GNAS: variants seen among roughly 807,000 people sequenced by gnomAD.
GNAS encodes the protein protein ALEX.
In GNAS, 8 loss-of-function variants were observed where a neutral mutation model predicts 54.5. That is an observed-to-expected ratio of 0.15 (90% confidence interval 0.09 to 0.26). GNAS has a LOEUF of 0.26. Among genes scored for constraint, GNAS ranks in the 10% least tolerant of loss-of-function variants. The pLI is 1.00. For missense variants in GNAS, 170 were observed against 529.8 expected, an observed-to-expected ratio of 0.32 and a Z score of 6.67; for synonymous variants, 204 against 191.4, an observed-to-expected ratio of 1.07 and a Z score of -0.54.
chr20:58,853,897 GC>G lies in GNAS; in HGVS notation c.43+13012del. ...CAAGCCCTCAGGCCTGCAAAGGCTG[GC>G]TCCAGAGGAGGCTACAGCCCTCCCC... On this transcript the variant is annotated intron_variant, in intron 1 of 12. Transcript: ENST00000306090. This position sits in a 1 kb window ranked among gnomAD's most constrained non-coding sequence, Gnocchi z 4.4. The G allele has an allele frequency of 3.7e-6, 6 of 1,602,900 alleles. No homozygotes were observed. The highest frequency in any genetic ancestry group is 5.1e-6 in the Non-Finnish European group (6 of 1,175,178).
intron 3 of GNAS, among the ~76,000 whole-genome samples, chr20:58,901,816 G>A (rs73915943): frequency 0.079 from 11,478 of 145,390 alleles, 940 homozygotes; most frequent in African/African-American, 0.2. Context: ...CGACAGGCCC[G>A]CACTTGACCC....
intron 1 of GNAS, among the ~76,000 whole-genome samples, chr20:58,862,466 T>G (rs1247592718): frequency 2.0e-5 from 3 of 152,112 alleles, no homozygotes; most frequent in African/African-American, 2.4e-5. Context: ...GCCTCGACTT[T>G]TAATTTTAGA....
chr20:58,885,708 T>C (rs938892022), intron 1 of GNAS, among the ~76,000 whole-genome samples: 2 of 152,370 alleles, frequency 1.3e-5, no homozygotes, highest in African/African-American at 4.8e-5. Flanking sequence ...AAGGATTAAC[T>C]GAGACTAGGA....
chr20:58,892,159 T>G, intron 1 of GNAS: 1 of 934,118 alleles, frequency 1.1e-6, no homozygotes, highest in African/African-American at 1.8e-5. Context: ...CTCCCCCTCT[T>G]TCTCTCTTTC....
chr20:58,887,140 G>A (rs562862415), upstream of GNAS, among the ~76,000 whole-genome samples: 15 of 152,290 alleles, frequency 9.8e-5, no homozygotes, highest in African/African-American at 2.9e-4. Flanking sequence ...TCCAAATAAG[G>A]AGGCTCTTCA....
chr20:58,869,090 C>T (rs536083405), intron 1 of GNAS, among the ~76,000 whole-genome samples: 7 of 152,228 alleles, frequency 4.6e-5, no homozygotes, highest in East Asian at 3.9e-4. Flanking sequence ...CAACTTTTAA[C>T]GAGTGGATCT....
At position 58,855,209 on chromosome 20, in the gene GNAS, G is replaced by A. The variant is rs568014935; in HGVS notation, c.43+14323G>A. ...CCCTGGCGGAGAAGCGCAGACAGATGCGCAAAGAAGCCCTGGAGAAGCGGG... is the reference window on the plus strand; with the variant it reads ...CCCTGGCGGAGAAGCGCAGACAGATACGCAAAGAAGCCCTGGAGAAGCGGG... On this transcript the variant is annotated intron_variant, in intron 1 of 12. Transcript: ENST00000306090. 4.4e-6 allele frequency: 7 copies of A among 1,600,074 alleles called. 1 individual carries two copies. In the Admixed American group the frequency reaches 1.2e-4, roughly 28 times the overall value.
Position 58,853,938 on chromosome 20 carries a change from C to A in GNAS, c.43+13052C>A, listed in dbSNP as rs886846274. On this transcript the variant is annotated intron_variant, in intron 1 of 12. Transcript: ENST00000306090. This position sits in a 1 kb window ranked among gnomAD's most constrained non-coding sequence, Gnocchi z 4.4. ...CAGCCCTCCCCCTGAGGAGACTATG[C>A]CATTTGAGCTTGATGGAGAAGGATT... 5 of 1,611,540 alleles carry A rather than the reference C, an allele frequency of 3.1e-6. No individual in the cohort carries two copies. The Admixed American group carries it at 6.7e-5, about 22-fold the overall frequency.
chr20:58,854,190 T>C lies in GNAS; in HGVS notation c.43+13304T>C, dbSNP rs756072376. On this transcript the variant is annotated intron_variant, in intron 1 of 12. Coordinates refer to the GNAS transcript ENST00000306090. ...CTGGATGGAGATCTCCGGACCCCCG[T>C]TCGAGATTGGCAGCGCCCCCGCTGG... The C allele has an allele frequency of 1.7e-5, 27 of 1,612,964 alleles. No homozygotes were observed. The highest frequency in any genetic ancestry group is 2.3e-5 in the Non-Finnish European group (27 of 1,179,858).
intron 2 of GNAS, chr20:58,898,238 C>G (rs1455306984): frequency 1.3e-5 from 2 of 151,990 alleles, no homozygotes; most frequent in East Asian, 1.9e-4. Flanking sequence ...TTATGAAGAT[C>G]GGGTTTGGGT....
chr20:58,849,507 C>A (rs531282693), intron 1 of GNAS, among the ~76,000 whole-genome samples: 1 of 152,230 alleles, frequency 6.6e-6, no homozygotes, highest in Non-Finnish European at 1.5e-5. Context: ...TTTTTCTGAA[C>A]TTCAGACCTT....
At chr20:58,897,181 C>T (rs536940260) in intron 2 of GNAS, among the ~76,000 whole-genome samples, 1 of 152,328 alleles carries the variant, frequency 6.6e-6, no homozygotes, top group East Asian at 1.9e-4. Context: ...CACATACGTG[C>T]TATTGAGTAA....
chr20:58,898,906 G>A (rs1276145122), intron 2 of GNAS, 35 bp from the exon 3 acceptor site: 1 of 1,594,672 alleles, frequency 6.3e-7, no homozygotes, highest in Non-Finnish European at 8.6e-7. Context: ...GCGGTGCCTT[G>A]CAGATTAGGT....
intron 2 of GNAS, chr20:58,898,127 AAAAC>A (rs1172971310): frequency 6.6e-6 from 1 of 152,254 alleles, no homozygotes; most frequent in Non-Finnish European, 1.5e-5. Flanking sequence ...GAACAAAACA[AAAAC>A]AAAACATAAA....
At position 58,853,289 on chromosome 20, in the gene GNAS, C is replaced by A. The variant is rs1207881373; in HGVS notation, c.43+12403C>A. The A allele has an allele frequency of 4.3e-5, 67 of 1,548,694 alleles. No individual in the cohort carries two copies. The highest frequency in any genetic ancestry group is 5.7e-5 in the Non-Finnish European group (65 of 1,145,486). On this transcript the variant is annotated intron_variant, in intron 1 of 12. Coordinates refer to the GNAS transcript ENST00000306090. The surrounding 1 kb of genome is among the most constrained non-coding windows in gnomAD (Gnocchi z 4.4). Reference sequence around the variant, plus strand: ...TTATGGGCGTGCGCAACTGCCTCTACGGCAATAATATGTCAGGACAACGCG... The same window carrying A: ...TTATGGGCGTGCGCAACTGCCTCTAAGGCAATAATATGTCAGGACAACGCG...
At chr20:58,868,022 C>CTTTTTT (rs370255144) in intron 1 of GNAS, among the ~76,000 whole-genome samples, 13 of 132,590 alleles carry the variant, frequency 9.8e-5, no homozygotes, top group South Asian at 2.5e-4. Flanking sequence ...TTCTTTCTTT[C>CTTTTTT]TTTTTTTTTT....
rs140290803 is a variant in GNAS at position 58,873,752 on chromosome 20, T to A, written c.44-21860T>A. ...GTATTGAGTGCCAAATATGTGCCCT[T>A]CCCCGTGGGGAAGACAAAAGTATGA... On this transcript the variant is annotated intron_variant, in intron 1 of 12. Coordinates refer to the GNAS transcript ENST00000306090. This position sits in a 1 kb window ranked among gnomAD's most constrained non-coding sequence, Gnocchi z 4.3. 5.3e-3 allele frequency among the ~76,000 whole-genome samples: 809 copies of A among 152,276 alleles called. 29 individuals carry two copies. The highest frequency in any genetic ancestry group is 0.046 in the Admixed American group (705 of 15,292).
At position 58,904,438 on chromosome 20, in the gene GNAS, G is replaced by A. The variant is rs114288652; in HGVS notation, c.432+647G>A. Among the ~76,000 whole-genome samples, 960 of 152,266 alleles carry A rather than the reference G, an allele frequency of 6.3e-3. 12 individuals are homozygous for A. The highest frequency in any genetic ancestry group is 0.022 in the African/African-American group (898 of 41,544). On this transcript the variant is annotated intron_variant, in intron 5 of 12. Transcript: ENST00000371085. ...GGAAAAGACTTTCCTCTGGATGCAC[G>A]ACACTGTTGGCTCCCTAAAGAACTA... is the stretch of plus-strand genomic sequence containing the variant.
chr20:58,893,804 A>C (rs530519882), intron 1 of GNAS, among the ~76,000 whole-genome samples: 8 of 152,372 alleles, frequency 5.3e-5, no homozygotes, highest in Admixed American at 2.6e-4. Context: ...TCTCAGTACT[A>C]CTTTAAGTCA....
Sources: gnomAD v4.1 joint callset for allele counts (sites outside exome capture counted in the v4.1 genomes callset) on GRCh38, gnomAD v4.1.1 for gene constraint, Gnocchi (gnomAD v3.1) non-coding constraint, MANE v1.5 for transcripts, NCBI Gene and HGNC (gene_info 2026-07-23, HGNC 2026-07-21) for gene names.